TMC1: variants seen among roughly 807,000 people sequenced by gnomAD.
TMC1 encodes transmembrane channel-like protein 1.
In TMC1, 84 loss-of-function variants were observed where a neutral mutation model predicts 105.8. That is an observed-to-expected ratio of 0.79 (90% CI 0.67 to 0.95). TMC1 has a LOEUF of 0.95. TMC1 is among the 40% of genes least tolerant of loss of function. The pLI is 0.00. For missense variants in TMC1, 817 were observed against 914.1 expected (o/e 0.89, Z 1.37); for synonymous variants, 315 against 311.5 (o/e 1.01, Z -0.12).
intron 19 of TMC1, among the ~76,000 whole-genome samples, chr9:72,820,581 G>A (rs1295460928): frequency 6.6e-6 from 1 of 152,190 alleles, no homozygotes; most frequent in Non-Finnish European, 1.5e-5. Context: ...ACTAATGATA[G>A]TAGGTATAGT....
intron 1 of TMC1, among the ~76,000 whole-genome samples, chr9:72,529,327 T>G (rs1014796821): frequency 6.6e-6 from 1 of 152,122 alleles, no homozygotes; most frequent in African/African-American, 2.4e-5. Flanking sequence ...TGGCGGGCAC[T>G]TGTAGTCCTA....
chr9:72,617,067 A>T (rs991417553), intron 3 of TMC1, among the ~76,000 whole-genome samples: 4 of 152,210 alleles, frequency 2.6e-5, no homozygotes. Context: ...AGAGATATAT[A>T]GGATGATTTT....
chr9:72,716,566 G>A (rs1418018783), intron 8 of TMC1, among the ~76,000 whole-genome samples: 1 of 152,114 alleles, frequency 6.6e-6, no homozygotes, highest in Non-Finnish European at 1.5e-5. Flanking sequence ...ACACTGTGAG[G>A]GTAAAACCCC....
At chr9:72,648,039 C>T (rs1825742949) in intron 4 of TMC1, among the ~76,000 whole-genome samples, 1 of 152,146 alleles carries the variant, frequency 6.6e-6, no homozygotes, top group Non-Finnish European at 1.5e-5. Context: ...CTTCATATAG[C>T]AAGTTTTACT....
At chr9:72,790,590 C>T (rs1429823422) in intron 15 of TMC1, among the ~76,000 whole-genome samples, 1 of 151,880 alleles carries the variant, frequency 6.6e-6, no homozygotes, top group Non-Finnish European at 1.5e-5. Context: ...ATAAATAAAC[C>T]ATATTAAAGG....
chr9:72,838,153 TTA>T lies in TMC1; in HGVS notation c.*2182_*2183del, dbSNP rs1341865066. 1.3e-5 allele frequency: 2 copies of T among 152,226 alleles called. No homozygotes were observed. Among genetic ancestry groups the T allele is most frequent in the African/African-American group, 4.8e-5 (2 of 41,462 alleles). 9.4% of individuals were successfully genotyped at this position (152,226 alleles called of 1,614,324 possible). On this transcript the variant is annotated 3_prime_UTR_variant, in exon 24 of 24. Coordinates refer to ENST00000297784, the MANE Select transcript of TMC1 (RefSeq NM_138691.3). ...ATCAATTTAACTTACAGCAATTGTG[TTA>T]TGAGACAAAAACTTCTGTTACCTGC...
At position 72,792,004 on chromosome 9, in the gene TMC1, C is replaced by A; in HGVS notation, c.1343C>A (p.Ala448Asp). 6.2e-7 allele frequency: 1 copy of A among 1,614,030 alleles called. No homozygotes were observed. Among genetic ancestry groups the A allele is most frequent in the Non-Finnish European group, 8.5e-7 (1 of 1,179,970 alleles). ...ALKWLLGRIF[A>D]LLLGNLYVFI... ...AAATGGCTACTGGGACGCATTTTTG[C>A]TCTTCTTTTAGGCAATTTATACGTA... is the stretch of plus-strand genomic sequence containing the variant. Residue 448 changes from alanine to aspartate, a missense_variant, in exon 16 of 24, where the codon GCT becomes GAT. Coordinates refer to ENST00000297784, the MANE Select transcript of TMC1 (RefSeq NM_138691.3).
chr9:72,777,402 C>T (rs1245814391), intron 13 of TMC1, among the ~76,000 whole-genome samples: 1 of 152,108 alleles, frequency 6.6e-6, no homozygotes, highest in Admixed American at 6.6e-5. Flanking sequence ...TTTTACTTCT[C>T]AGAGATATTT....
At chr9:72,568,233 T>A (rs2132086595) in intron 1 of TMC1, among the ~76,000 whole-genome samples, 1 of 152,208 alleles carries the variant, frequency 6.6e-6, no homozygotes, top group East Asian at 1.9e-4. Flanking sequence ...TTCAACACAC[T>A]CCCTTGTGCC....
chr9:72,650,818 A>G (rs375712289), intron 5 of TMC1, among the ~76,000 whole-genome samples: 26 of 148,398 alleles, frequency 1.8e-4, no homozygotes, highest in African/African-American at 5.7e-4. Context: ...ACGTTCCCAC[A>G]TAAGATATAA....
chr9:72,667,470 A>G lies in TMC1; in HGVS notation c.16+18806A>G, dbSNP rs757357469. On this transcript the variant is annotated intron_variant, in intron 5 of 23. Coordinates refer to ENST00000297784, the MANE Select transcript of TMC1 (RefSeq NM_138691.3). ...AGATGTAGAAATCTCTCACCTGCTC[A>G]TGTTCCTTCCTTTTTGTCTTGTTGG... 3.9e-5 allele frequency among the ~76,000 whole-genome samples: 6 copies of G among 152,192 alleles called. No individual in the cohort carries two copies. In the South Asian group the frequency reaches 8.3e-4, roughly 21 times the overall value.
intron 1 of TMC1, among the ~76,000 whole-genome samples, chr9:72,547,352 TA>T (rs11327869): frequency 0.11 from 16,855 of 148,774 alleles, 1,407 homozygotes; most frequent in African/African-American, 0.23. Flanking sequence ...TCAACCCCCC[TA>T]AAAAAAAATC....
intron 5 of TMC1, among the ~76,000 whole-genome samples, chr9:72,653,919 T>G (rs539809469): frequency 2.3e-4 from 35 of 152,312 alleles, no homozygotes; most frequent in African/African-American, 8.4e-4. Context: ...CTTCTTACAT[T>G]TAGTATAGTG....
chr9:72,571,200 G>A (rs1824277760), intron 1 of TMC1, among the ~76,000 whole-genome samples: 1 of 150,800 alleles, frequency 6.6e-6, no homozygotes, highest in South Asian at 2.1e-4. Flanking sequence ...GCAGGTGCCT[G>A]TAGTCCCAGC....
chr9:72,580,079 C>G (rs115297359), intron 2 of TMC1, among the ~76,000 whole-genome samples: 2 of 152,046 alleles, frequency 1.3e-5, no homozygotes, highest in Non-Finnish European at 2.9e-5. Flanking sequence ...GAGCGTGGTC[C>G]GTGGACTAGC....
intron 5 of TMC1, among the ~76,000 whole-genome samples, chr9:72,670,096 T>G (rs1588022972): frequency 6.6e-6 from 1 of 152,270 alleles, no homozygotes; most frequent in Non-Finnish European, 1.5e-5. Flanking sequence ...AAAAGAAAAC[T>G]GAACAGAGAG....
At position 72,791,896 on chromosome 9, in the gene TMC1, T is replaced by C. The variant is rs1307556703; in HGVS notation, c.1235T>C (p.Val412Ala). The part of the protein sequence containing the change: ...GWWEKNEMNM[V>A]MSLLGMFCPT... ...TGTGCCTCCTTGTAGATGAACATGG[T>C]TATGTCCCTCCTAGGGATGTTCTGT... The change falls in exon 16 of 24, where the codon GTT (valine) becomes GCT (alanine). Residue 412 changes from valine (V) to alanine (A), a missense_variant. Val to Ala is a moderately conservative substitution (Grantham distance 64). Transcript: ENST00000297784. The C allele has an allele frequency of 6.2e-7, 1 of 1,612,434 alleles. No individual in the cohort carries two copies. The highest frequency in any genetic ancestry group is 8.5e-7 in the Non-Finnish European group (1 of 1,179,710).
intron 1 of TMC1, among the ~76,000 whole-genome samples, chr9:72,548,401 A>G (rs1823806395): frequency 6.6e-6 from 1 of 151,992 alleles, no homozygotes; most frequent in African/African-American, 2.4e-5. Context: ...GTAAAATTCC[A>G]TCTCTACTAA....
intron 2 of TMC1, among the ~76,000 whole-genome samples, chr9:72,604,998 A>G (rs1253404347): frequency 1.3e-5 from 2 of 152,232 alleles, no homozygotes; most frequent in African/African-American, 2.4e-5. Flanking sequence ...TAAGGTATGT[A>G]TGGTTTAATC....
Sources: allele counts gnomAD v4.1 joint callset (sites outside exome capture counted in the v4.1 genomes callset), GRCh38; gene constraint gnomAD v4.1.1; transcripts MANE v1.5; gene names NCBI Gene and HGNC (gene_info 2026-07-23, HGNC 2026-07-21).